Variants in MFSD8 observed in about 807,000 individuals in gnomAD.
MFSD8 encodes major facilitator superfamily domain containing 8, also known as major facilitator superfamily domain-containing protein 8.
MFSD8 carries 55 observed loss-of-function variants against 66.4 expected under a neutral mutation model. The observed-to-expected ratio is 0.83, with a 90% CI of 0.67 to 1.04. The LOEUF (loss-of-function observed/expected upper bound fraction) is 1.04. MFSD8 is among the 50% of genes least tolerant of loss of function. MFSD8 has a pLI of 0.00. For synonymous variants in MFSD8, 202 were observed against 212.8 expected (o/e 0.95, Z 0.44); for missense variants, 550 against 627.6 (o/e 0.88, Z 1.32).
intron 11 of MFSD8, chr4:127,921,302 C>T (rs2148838757): frequency 1.4e-6 from 1 of 736,436 alleles, no homozygotes; most frequent in Non-Finnish European, 2.2e-6. Flanking sequence ...TTACACTCTA[C>T]CACAATGCCA....
chr4:127,923,392 T>A (rs1350150099), intron 9 of MFSD8, among the ~76,000 whole-genome samples: 1 of 152,016 alleles, frequency 6.6e-6, no homozygotes, highest in Non-Finnish European at 1.5e-5. Context: ...AATCATGTGG[T>A]TTTTGTCATT....
intron 7 of MFSD8, among the ~76,000 whole-genome samples, chr4:127,936,001 C>G (rs1357526079): frequency 6.6e-6 from 1 of 151,960 alleles, no homozygotes; most frequent in Non-Finnish European, 1.5e-5. Context: ...ATACAGGAGA[C>G]CCAGTTAAAT....
At chr4:127,932,382 G>T (rs1325547421) in intron 8 of MFSD8, 1 of 152,260 alleles carries the variant, frequency 6.6e-6, no homozygotes, top group African/African-American at 2.4e-5. Context: ...TACATACATA[G>T]GAAAAATGTT....
At chr4:127,949,691 T>C (rs1438079995) in intron 3 of MFSD8, 113 bp downstream of exon 3, 1 of 884,690 alleles carries the variant, frequency 1.1e-6, no homozygotes, top group Non-Finnish European at 1.8e-6. Context: ...ATCTCATTAT[T>C]CTTGTAAAGA....
rs1368469824 is a variant in MFSD8 at position 127,920,534 on chromosome 4, C to G, written c.*96G>C. ...CTTCAAAATCTGCAATATCTGTAGT[C>G]TGATTCTTGGAGACTGGCTCACCGC... On this transcript the variant is annotated 3_prime_UTR_variant, in exon 12 of 12. Transcript: ENST00000641686. The G allele has an allele frequency of 8.3e-7, 1 of 1,202,198 alleles. No individual in the cohort carries two copies. The highest frequency in any genetic ancestry group is 1.5e-5 in the African/African-American group (1 of 66,948). The allele number at this position is 1,202,198 out of a possible 1,614,324, so 74.5% of individuals were successfully genotyped here. A position where few individuals can be genotyped will look rare whatever the true frequency, so the allele number is the denominator to read the frequency against.
intron 7 of MFSD8, among the ~76,000 whole-genome samples, chr4:127,936,083 A>T (rs1221564187): frequency 1.3e-5 from 2 of 151,914 alleles, no homozygotes; most frequent in Non-Finnish European, 2.9e-5. Context: ...AAGTATAAGA[A>T]TGTTCCATGA....
intron 5 of MFSD8, 27 bp from the exon 6 acceptor site, chr4:127,940,024 G>A (rs1274115521): frequency 4.4e-6 from 7 of 1,586,160 alleles, no homozygotes; most frequent in Non-Finnish European, 6.1e-6. Context: ...TTTCACAGAT[G>A]AATTATTATA....
In MFSD8 at chr4:127,957,540, T is replaced by A. The variant is rs201739608; in HGVS notation, c.115A>T (p.Ile39Phe). Residue 39 changes from isoleucine (I) to phenylalanine (F), a missense_variant, in exon 2 of 12, where the codon ATT becomes TTT. Transcript: ENST00000641686. ...EEHYKSRWRS[I>F]RILYLTMFLS... is the part of the protein sequence containing the mutation. ...AACATAGTAAGATATAAAATCCTAATAGATCTCCATCGGCTCTTATAATGC... is the reference window on the plus strand; with the variant it reads ...AACATAGTAAGATATAAAATCCTAAAAGATCTCCATCGGCTCTTATAATGC... 3.7e-5 allele frequency: 60 copies of A among 1,611,910 alleles called. No individual in the cohort carries two copies. The highest frequency in any genetic ancestry group is 1.0e-4 in the Admixed American group (6 of 59,956).
intron 9 of MFSD8, among the ~76,000 whole-genome samples, chr4:127,922,394 C>T (rs1446185954): frequency 1.3e-5 from 2 of 152,132 alleles, no homozygotes; most frequent in Non-Finnish European, 1.5e-5. Context: ...GAGGCCAAAG[C>T]GGGAGGACTG....
chr4:127,960,809 C>T (rs375369284), intron 1 of MFSD8, among the ~76,000 whole-genome samples: 25 of 152,220 alleles, frequency 1.6e-4, no homozygotes, highest in African/African-American at 5.5e-4. Flanking sequence ...CTCTGAAGTG[C>T]AATTAAGGAA....
intron 2 of MFSD8, among the ~76,000 whole-genome samples, chr4:127,956,903 T>A (rs1483195618): frequency 6.6e-6 from 1 of 152,188 alleles, no homozygotes; most frequent in Non-Finnish European, 1.5e-5. Context: ...GTTTCGTTTG[T>A]ATGTACATTC....
chr4:127,932,153 G>T (rs1366894535), intron 8 of MFSD8, among the ~76,000 whole-genome samples: 2 of 152,130 alleles, frequency 1.3e-5, no homozygotes, highest in African/African-American at 2.4e-5. Context: ...TTTATGTTAT[G>T]TATATTTTCC....
intron 1 of MFSD8, among the ~76,000 whole-genome samples, chr4:127,963,163 C>A (rs1291890094): frequency 6.6e-6 from 1 of 152,160 alleles, no homozygotes. Context: ...TAAAATTAGT[C>A]TTTCTTTGTA....
chr4:127,930,545 T>A, intron 9 of MFSD8, 138 bp downstream of exon 9: 1 of 950,934 alleles, frequency 1.1e-6, no homozygotes, highest in Non-Finnish European at 1.6e-6. Context: ...AGAAATATGA[T>A]AATCTCTTAA....
chr4:127,941,916 TA>T (rs199616927), intron 5 of MFSD8, 128 bp downstream of exon 5: 2,524 of 674,352 alleles, frequency 3.7e-3, no homozygotes, highest in Non-Finnish European at 4.2e-3. Flanking sequence ...ATTCCTGGAT[TA>T]AAAAAAAAAT....
intron 11 of MFSD8, 97 bp from the exon 12 acceptor site, chr4:127,920,933 G>C: frequency 8.8e-7 from 1 of 1,141,602 alleles, no homozygotes. Context: ...AAACTTACAA[G>C]AATCATTTCT....
intron 4 of MFSD8, among the ~76,000 whole-genome samples, chr4:127,942,380 A>C (rs1740333343): frequency 6.6e-6 from 1 of 152,198 alleles, no homozygotes; most frequent in Non-Finnish European, 1.5e-5. Flanking sequence ...TAAAGATATC[A>C]ATGAGTGAAA....
At chr4:127,962,118 A>T (rs984452768) in intron 1 of MFSD8, among the ~76,000 whole-genome samples, 7 of 152,208 alleles carry the variant, frequency 4.6e-5, no homozygotes, top group African/African-American at 1.7e-4. Context: ...CGAGGAAAAC[A>T]GTCTGTCAGA....
chr4:127,918,572 T>C lies in MFSD8; in HGVS notation c.*2058A>G, dbSNP rs1248191821. 2 of 152,216 alleles carry C rather than the reference T, an allele frequency of 1.3e-5. No individual in the cohort carries two copies. The highest frequency in any genetic ancestry group is 4.8e-5 in the African/African-American group (2 of 41,460). 9.4% of individuals were successfully genotyped at this position (152,216 alleles called of 1,614,324 possible). A position where few individuals can be genotyped will look rare whatever the true frequency, so the allele number is the denominator to read the frequency against. On this transcript the variant is annotated 3_prime_UTR_variant, in exon 12 of 12. Coordinates refer to ENST00000641686, the MANE Select transcript of MFSD8 (RefSeq NM_001371596.2). ...TATGTTGCCCAAATATTTCTGCTAG[T>C]AGGACTCACTGGTATAGTTAAATTA...
Sources: gnomAD v4.1 joint callset for allele counts (sites outside exome capture counted in the v4.1 genomes callset) on GRCh38, gnomAD v4.1.1 for gene constraint, MANE v1.5 for transcripts, NCBI Gene and HGNC (gene_info 2026-07-23, HGNC 2026-07-21) for gene names.